COX17: variants seen among roughly 807,000 people sequenced by gnomAD.
COX17 encodes the protein cytochrome c oxidase copper chaperone.
In COX17, 1 loss-of-function variant was observed where a neutral mutation model predicts 6.3. The observed-to-expected ratio is 0.16, with a 90% CI of 0.06 to 0.75. The LOEUF (loss-of-function observed/expected upper bound fraction) is 0.75, where lower values mean the gene tolerates loss of function less well. COX17 is among the 30% of genes least tolerant of loss of function. The pLI is 0.77. For missense variants in COX17, 73 were observed against 81.2 expected (o/e 0.90, Z 0.39); for synonymous variants, 26 against 30.5 (o/e 0.85, Z 0.49).
At chr3:119,677,030 G>T in intron 1 of COX17, 174 bp downstream of exon 1, 3 of 557,728 alleles carry the variant, frequency 5.4e-6, no homozygotes, top group South Asian at 3.7e-5. Context: ...GGGCGGGGGG[G>T]GGGGGCAGAC....
At chr3:119,670,963 T>A (rs577758805) in intron 2 of COX17, among the ~76,000 whole-genome samples, 1 of 152,286 alleles carries the variant, frequency 6.6e-6, no homozygotes, top group East Asian at 1.9e-4. Context: ...TATTTCCTCA[T>A]ATTTCTAATG....
At chr3:119,668,783 T>G (rs1470531094), downstream of COX17, among the ~76,000 whole-genome samples, 2 of 152,092 alleles carry the variant, frequency 1.3e-5, no homozygotes, top group African/African-American at 4.8e-5. Context: ...TCAGTATCTT[T>G]TGTTCTTGAG....
At chr3:119,668,379 C>T (rs1470545450), downstream of COX17, among the ~76,000 whole-genome samples, 1 of 152,078 alleles carries the variant, frequency 6.6e-6, no homozygotes, top group Non-Finnish European at 1.5e-5. Flanking sequence ...TAGATTATCT[C>T]TGTAAATCAT....
At chr3:119,676,683 C>T (rs2053103502) in intron 1 of COX17, 1 of 591,684 alleles carries the variant, frequency 1.7e-6, no homozygotes, top group African/African-American at 1.9e-5. Flanking sequence ...TAGAAATTAC[C>T]AGAAAACCTT....
At chr3:119,675,035 TGA>T in intron 2 of COX17, 108 bp downstream of exon 2, 1 of 737,366 alleles carries the variant, frequency 1.4e-6, no homozygotes, top group Admixed American at 2.5e-5. Flanking sequence ...TTTTTCAAAT[TGA>T]TACTTAAGCA....
chr3:119,676,558 G>A (rs188536013), intron 1 of COX17, among the ~76,000 whole-genome samples: 70 of 152,274 alleles, frequency 4.6e-4, no homozygotes, highest in Non-Finnish European at 7.5e-4. Flanking sequence ...CCCCTGCGTC[G>A]TAGACTGATT....
chr3:119,668,441 A>G (rs1404627129), downstream of COX17, among the ~76,000 whole-genome samples: 1 of 152,194 alleles, frequency 6.6e-6, no homozygotes, highest in Non-Finnish European at 1.5e-5. Context: ...GTAAAAATAT[A>G]AACAATAAAA....
rs946022558 is a variant in COX17, at chr3:119,674,777, C to T, written c.*4+368G>A. 4.5e-5 allele frequency: 7 copies of T among 156,066 alleles called. No individual in the cohort carries two copies. In the South Asian group the frequency reaches 6.9e-4, roughly 15 times the overall value. 9.7% of individuals were successfully genotyped at this position (156,066 alleles called of 1,614,324 possible). On this transcript the variant is annotated intron_variant, in intron 2 of 2. Transcript: ENST00000261070. ...GGCCACTTCACCCCAGCCTGGGTAA[C>T]AGAGTGAGACCCTGTCTCAAAAAAA...
rs143055099 is a variant in COX17, at chr3:119,669,899, G to A, written c.*5-234C>T. Among the ~76,000 whole-genome samples the A allele has an allele frequency of 2.8e-3, 419 of 152,182 alleles. 3 individuals are homozygous for A. Among genetic ancestry groups the A allele is most frequent in the African/African-American group, 9.6e-3 (397 of 41,532 alleles). On this transcript the variant is annotated intron_variant, in intron 2 of 2. Coordinates refer to ENST00000261070, the MANE Select transcript of COX17 (RefSeq NM_005694.2). ...TATTATTTACTCTTTAAAAGTTTTT[G>A]AAGTAAAAACTCTCTCTGCGTGTAT...
downstream of COX17, among the ~76,000 whole-genome samples, chr3:119,666,227 G>A (rs528523770): frequency 1.3e-5 from 2 of 152,266 alleles, no homozygotes; most frequent in East Asian, 3.9e-4. Context: ...AACCTAATTT[G>A]GCTCAATCAG....
chr3:119,677,080 G>A (rs1176814922), intron 1 of COX17, 124 bp downstream of exon 1: 5 of 567,646 alleles, frequency 8.8e-6, no homozygotes, highest in Non-Finnish European at 1.3e-5. Flanking sequence ...GAAGAGGGCA[G>A]AGGGCAGAAG....
downstream of COX17, among the ~76,000 whole-genome samples, chr3:119,669,091 T>C (rs1372567294): frequency 3.9e-5 from 6 of 152,144 alleles, no homozygotes; most frequent in African/African-American, 4.8e-5. Context: ...TAACTACCCA[T>C]GTACAGATTC....
chr3:119,677,270 G>C lies in COX17; in HGVS notation c.41C>G (p.Ser14Cys), dbSNP rs767054140. Residue 14 changes from serine to cysteine, a missense_variant, in exon 1 of 3, where the codon TCT becomes TGT. Transcript: ENST00000261070. ...LVDSNPAPPE[S>C]QEKKPLKPCC... is the part of the protein sequence containing the mutation. ...GGGCTTCAGCGGCTTCTTCTCCTGA[G>C]ACTCAGGCGGGGCAGGGTTTGAGTC... 18 of 1,612,044 alleles carry C rather than the reference G, an allele frequency of 1.1e-5. No individual in the cohort carries two copies. Among genetic ancestry groups the C allele is most frequent in the Non-Finnish European group, 1.1e-5 (13 of 1,179,986 alleles).
downstream of COX17, among the ~76,000 whole-genome samples, chr3:119,667,610 T>C (rs1170527757): frequency 6.6e-6 from 1 of 150,994 alleles, no homozygotes; most frequent in East Asian, 1.9e-4. Context: ...AAAGGACACT[T>C]GTAAAGACTT....
At chr3:119,671,735 T>C (rs2053046134) in intron 2 of COX17, among the ~76,000 whole-genome samples, 1 of 152,220 alleles carries the variant, frequency 6.6e-6, no homozygotes, top group Admixed American at 6.5e-5. Flanking sequence ...TCTCATTAAG[T>C]ACAAGGCGTG....
intron 1 of COX17, chr3:119,676,912 A>G (rs2053106194): frequency 1.4e-6 from 1 of 701,130 alleles, no homozygotes; most frequent in Non-Finnish European, 2.6e-6. Context: ...CTCTCTCTCC[A>G]TCGTTTCCCG....
At chr3:119,667,339 G>C (rs905568875), downstream of COX17, among the ~76,000 whole-genome samples, 1 of 152,086 alleles carries the variant, frequency 6.6e-6, no homozygotes, top group African/African-American at 2.4e-5. Flanking sequence ...ACTAGGAAAG[G>C]GTGGGCAGAG....
chr3:119,677,033 G>GAGGA, intron 1 of COX17, 171 bp downstream of exon 1: 1 of 532,132 alleles, frequency 1.9e-6, no homozygotes, highest in African/African-American at 2.3e-5. Flanking sequence ...CGGGGGGGGG[G>GAGGA]GGCAGACAGG....
intron 1 of COX17, chr3:119,675,439 T>TG (rs1021183990): frequency 3.3e-5 from 17 of 520,200 alleles, no homozygotes; most frequent in Non-Finnish European, 4.5e-5. Flanking sequence ...TAAGTGATTT[T>TG]GGGGGGGAAA....
Sources: allele counts gnomAD v4.1 joint callset (sites outside exome capture counted in the v4.1 genomes callset), GRCh38; gene constraint gnomAD v4.1.1; transcripts MANE v1.5; gene names NCBI Gene and HGNC (gene_info 2026-07-23, HGNC 2026-07-21).